The following RASGRF2 variants were observed in gnomAD, a reference collection of about 807,000 sequenced individuals.
RASGRF2 encodes ras-specific guanine nucleotide-releasing factor 2.
A neutral mutation model predicts 151.0 loss-of-function variants in RASGRF2; 76 were observed. The observed-to-expected ratio is 0.50, with a 90% confidence interval of 0.42 to 0.61. The LOEUF (loss-of-function observed/expected upper bound fraction) is 0.61, where lower values mean the gene tolerates loss of function less well. Ranked by LOEUF, RASGRF2 falls within the 20% of genes least tolerant of loss-of-function variation. RASGRF2 has a pLI of 0.00. For synonymous variants in RASGRF2, 504 were observed against 566.5 expected, an observed-to-expected ratio of 0.89 and a Z score of 1.57; for missense variants, 1,148 against 1,564.6, an observed-to-expected ratio of 0.73 and a Z score of 4.49.
At position 81,139,631 on chromosome 5, in the gene RASGRF2, C is replaced by G. The variant is rs146342166; in HGVS notation, c.2686+12468C>G. On this transcript the variant is annotated intron_variant, in intron 17 of 26. Transcript: ENST00000265080. ...TAGACAAAAATTAATTTTTATAAGC[C>G]TATGTTTTGAATTGCAAGCGCTTCT... Among the ~76,000 whole-genome samples, 491 of 151,926 alleles carry G rather than the reference C, an allele frequency of 3.2e-3. 4 individuals carry two copies. Among genetic ancestry groups the G allele is most frequent in the Admixed American group, 5.5e-3 (84 of 15,242 alleles).
intron 17 of RASGRF2, among the ~76,000 whole-genome samples, chr5:81,176,396 G>A (rs1416781981): frequency 3.3e-5 from 5 of 152,224 alleles, no homozygotes; most frequent in South Asian, 4.2e-4. Flanking sequence ...TTTGACATGC[G>A]CAGCATAACC....
chr5:81,078,955 C>A (rs1299363357), intron 5 of RASGRF2, among the ~76,000 whole-genome samples: 2 of 152,168 alleles, frequency 1.3e-5, no homozygotes, highest in Non-Finnish European at 2.9e-5. Context: ...GCCACAGATG[C>A]CTCTCAGACT....
rs527942845 is a variant in RASGRF2 at position 81,127,231 on chromosome 5, A to G, written c.2686+68A>G. The G allele has an allele frequency of 2.5e-5, 38 of 1,490,230 alleles. No individual in the cohort carries two copies. In the African/African-American group the frequency reaches 4.8e-4, roughly 19 times the overall value. 92.3% of individuals were successfully genotyped at this position (1,490,230 alleles called of 1,614,324 possible). A position where few individuals can be genotyped will look rare whatever the true frequency, so the allele number is the denominator to read the frequency against. Reference sequence around the variant, plus strand: ...ATTAAGTCAGTGGCCCGTGTCTGCCAGTGTCTTGATGAGACACTCGGCAGC... The same window carrying G: ...ATTAAGTCAGTGGCCCGTGTCTGCCGGTGTCTTGATGAGACACTCGGCAGC... On this transcript the variant is annotated intron_variant, in intron 17 of 26. Transcript: ENST00000265080.
Position 80,980,604 on chromosome 5 carries a change from T to C in RASGRF2, c.288+19578T>C, listed in dbSNP as rs557720662. Reference sequence around the variant, plus strand: ...TTGCAGTGAACCGAGATCGTGCCACTGCACTCTAGCCTGGGCGACTGAGCC... The same window carrying C: ...TTGCAGTGAACCGAGATCGTGCCACCGCACTCTAGCCTGGGCGACTGAGCC... On this transcript the variant is annotated intron_variant, in intron 1 of 26. Transcript: ENST00000265080. 9.9e-5 allele frequency among the ~76,000 whole-genome samples: 15 copies of C among 152,238 alleles called. No individual in the cohort carries two copies. In the South Asian group the frequency reaches 2.3e-3, roughly 23 times the overall value.
At chr5:81,137,062 T>C (rs1580350497) in intron 17 of RASGRF2, among the ~76,000 whole-genome samples, 1 of 152,308 alleles carries the variant, frequency 6.6e-6, no homozygotes, top group Middle Eastern at 3.4e-3. Context: ...ATTTACCTAC[T>C]TACAATGGCT....
At chr5:81,192,182 T>C (rs1755166401) in intron 18 of RASGRF2, among the ~76,000 whole-genome samples, 1 of 152,216 alleles carries the variant, frequency 6.6e-6, no homozygotes, top group African/African-American at 2.4e-5. Flanking sequence ...TGGGGTTTAA[T>C]TGTCTGTGGG....
chr5:81,042,697 C>T (rs1561573691), intron 1 of RASGRF2, among the ~76,000 whole-genome samples, 180 bp from the exon 2 acceptor site: 1 of 152,178 alleles, frequency 6.6e-6, no homozygotes, highest in Non-Finnish European at 1.5e-5. Flanking sequence ...TCTGTGGTAT[C>T]TTCTAGGTGC....
At chr5:81,111,234 G>A (rs1271524247) in intron 13 of RASGRF2, among the ~76,000 whole-genome samples, 1 of 152,200 alleles carries the variant, frequency 6.6e-6, no homozygotes, top group African/African-American at 2.4e-5. Context: ...TTAATCAAGT[G>A]GTGAAATTCA....
rs184008681 is a variant in RASGRF2, at chr5:81,142,697, C to T, written c.2686+15534C>T. Reference sequence around the variant, plus strand: ...TCCTCTTGCTAGGACAGGCTATGTGCTTTGCAGCACCCAGTGTGAAATGAA... The same window carrying T: ...TCCTCTTGCTAGGACAGGCTATGTGTTTTGCAGCACCCAGTGTGAAATGAA... On this transcript the variant is annotated intron_variant, in intron 17 of 26. Coordinates refer to ENST00000265080, the MANE Select transcript of RASGRF2 (RefSeq NM_006909.3). Among the ~76,000 whole-genome samples the T allele has an allele frequency of 4.1e-4, 62 of 152,298 alleles. No homozygotes were observed. In the East Asian group the frequency reaches 8.1e-3, roughly 20 times the overall value.
At chr5:81,096,967 GTGT>G in intron 12 of RASGRF2, among the ~76,000 whole-genome samples, 1 of 50,030 alleles carries the variant, frequency 2.0e-5, no homozygotes, top group African/African-American at 1.2e-4. Flanking sequence ...TTGTTTGTTT[GTGT>G]TTTTTTTTTG....
At position 81,225,676 on chromosome 5, in the gene RASGRF2, A is replaced by G; in HGVS notation, c.3622-2A>G. The G allele has an allele frequency of 6.2e-7, 1 of 1,609,074 alleles. No individual in the cohort carries two copies. Among genetic ancestry groups the G allele is most frequent in the Non-Finnish European group, 8.5e-7 (1 of 1,178,584 alleles). On this transcript the variant is annotated splice_acceptor_variant, in intron 26 of 26. Coordinates refer to ENST00000265080, the MANE Select transcript of RASGRF2 (RefSeq NM_006909.3). LOFTEE classifies it high-confidence loss of function. Reference sequence around the variant, plus strand: ...AAGCTGGGACTTCCCCTTTTTTTTCAGGTCGCACAGTACTTGCTTGACAAA... The same window carrying G: ...AAGCTGGGACTTCCCCTTTTTTTTCGGGTCGCACAGTACTTGCTTGACAAA...
chr5:81,152,884 T>C (rs1397444346), intron 17 of RASGRF2, among the ~76,000 whole-genome samples: 1 of 152,204 alleles, frequency 6.6e-6, no homozygotes, highest in African/African-American at 2.4e-5. Flanking sequence ...AGCTTTGTTG[T>C]CAGGGGGCAC....
At chr5:81,113,379 G>T in intron 14 of RASGRF2, 159 bp from the exon 15 acceptor site, 3 of 830,888 alleles carry the variant, frequency 3.6e-6, no homozygotes, top group South Asian at 3.6e-5. Flanking sequence ...TCTTTGGCAG[G>T]TGGAGGGTAT....
intron 15 of RASGRF2, among the ~76,000 whole-genome samples, chr5:81,121,066 G>A (rs1418080801): frequency 5.3e-5 from 8 of 152,082 alleles, no homozygotes; most frequent in Non-Finnish European, 2.9e-5. Flanking sequence ...AGTCATGGAT[G>A]AACACTACTT....
intron 12 of RASGRF2, among the ~76,000 whole-genome samples, chr5:81,103,529 A>G (rs996512736): frequency 2.2e-4 from 34 of 152,220 alleles, no homozygotes; most frequent in African/African-American, 7.7e-4. Context: ...AATAGAAAAG[A>G]TGCAGTCTCC....
chr5:81,166,389 T>C (rs1012662637), intron 17 of RASGRF2, among the ~76,000 whole-genome samples: 6 of 152,046 alleles, frequency 3.9e-5, no homozygotes, highest in African/African-American at 1.4e-4. Context: ...GGTTTCACCA[T>C]GTTGGTCAGG....
chr5:81,107,946 A>G (rs1213019068), intron 12 of RASGRF2, among the ~76,000 whole-genome samples: 2 of 152,256 alleles, frequency 1.3e-5, no homozygotes, highest in Non-Finnish European at 2.9e-5. Flanking sequence ...ACAAAGTTTT[A>G]AGGAAAAACA....
intron 22 of RASGRF2, among the ~76,000 whole-genome samples, chr5:81,210,633 C>G (rs1415171504): frequency 1.3e-5 from 2 of 152,184 alleles, no homozygotes; most frequent in African/African-American, 4.8e-5. Flanking sequence ...GGAATGACTT[C>G]TCTGAAAGGT....
chr5:80,987,064 T>C (rs1045422386), intron 1 of RASGRF2, among the ~76,000 whole-genome samples: 11 of 152,206 alleles, frequency 7.2e-5, no homozygotes, highest in African/African-American at 2.7e-4. Context: ...TTTCTCCTTC[T>C]GCCAGATGAG....
Sources: gnomAD v4.1 joint callset for allele counts (sites outside exome capture counted in the v4.1 genomes callset) on GRCh38, gnomAD v4.1.1 for gene constraint, MANE v1.5 for transcripts, NCBI Gene and HGNC (gene_info 2026-07-23, HGNC 2026-07-21) for gene names.